Variants in RORA observed in about 807,000 individuals in gnomAD.
The protein encoded by RORA is RAR related orphan receptor A, also known as nuclear receptor ROR-alpha.
RORA carries 7 observed loss-of-function variants against 69.5 expected under a neutral mutation model. That is an observed-to-expected ratio of 0.10 (90% CI 0.06 to 0.19). RORA has a LOEUF of 0.19. Among genes scored for constraint, RORA ranks in the 10% least tolerant of loss-of-function variants. RORA has a pLI of 1.00. For missense variants in RORA, 457 were observed against 663.0 expected, an observed-to-expected ratio of 0.69 and a Z score of 3.41; for synonymous variants, 261 against 240.8, an observed-to-expected ratio of 1.08 and a Z score of -0.78.
chr15:60,861,801 A>C (rs1472218711), intron 1 of RORA, among the ~76,000 whole-genome samples: 1 of 152,188 alleles, frequency 6.6e-6, no homozygotes, highest in Admixed American at 6.5e-5. Context: ...GCCCTGCAGA[A>C]GGCCATACCA....
intron 1 of RORA, among the ~76,000 whole-genome samples, chr15:61,138,740 A>G (rs1387889811): frequency 2.1e-5 from 3 of 145,598 alleles, no homozygotes; most frequent in Admixed American, 6.7e-5. Flanking sequence ...TCTGAGGGGG[A>G]AAAAAAGCCA....
chr15:60,756,181 GA>G (rs1487966462), intron 1 of RORA, among the ~76,000 whole-genome samples: 2 of 152,218 alleles, frequency 1.3e-5, no homozygotes, highest in African/African-American at 4.8e-5. Context: ...TGAATGTAGT[GA>G]ATAATTACAT....
rs1282558898 is a variant in RORA at position 60,953,885 on chromosome 15, G to A, written c.166+275168C>T. ...CAACCATTGTGGAAGTCAGTGTGGCGATTCCTCAGGGATCTAGAACTAGAA... is the reference window on the plus strand; with the variant it reads ...CAACCATTGTGGAAGTCAGTGTGGCAATTCCTCAGGGATCTAGAACTAGAA... On this transcript the variant is annotated intron_variant, in intron 1 of 10. Coordinates refer to ENST00000335670, the MANE Select transcript of RORA (RefSeq NM_134261.3). 3.0e-4 allele frequency among the ~76,000 whole-genome samples: 45 copies of A among 148,524 alleles called. No individual in the cohort carries two copies. In the East Asian group the frequency reaches 5.9e-3, roughly 19 times the overall value.
At chr15:60,575,530 T>C (rs760705136) in intron 2 of RORA, among the ~76,000 whole-genome samples, 3 of 152,234 alleles carry the variant, frequency 2.0e-5, no homozygotes, top group Non-Finnish European at 4.4e-5. Flanking sequence ...ACTGAGAGTA[T>C]ATGATTTACA....
At chr15:60,509,379 A>G (rs1595881185) in intron 5 of RORA, among the ~76,000 whole-genome samples, 1 of 152,234 alleles carries the variant, frequency 6.6e-6, no homozygotes, top group African/African-American at 2.4e-5. Flanking sequence ...ATTTAAAAGC[A>G]CATAGAGCAA....
At chr15:60,643,496 C>A (rs2069982073) in intron 2 of RORA, among the ~76,000 whole-genome samples, 1 of 152,170 alleles carries the variant, frequency 6.6e-6, no homozygotes, top group Non-Finnish European at 1.5e-5. Flanking sequence ...CCAAGAATAA[C>A]CCTGGGTTTG....
rs1188113466 is a variant in RORA at position 60,904,225 on chromosome 15, T to A, written c.167-225539A>T. Among the ~76,000 whole-genome samples, 4 of 152,330 alleles carry A rather than the reference T, an allele frequency of 2.6e-5. No individual in the cohort carries two copies. In the East Asian group the frequency reaches 7.7e-4, roughly 29 times the overall value. On this transcript the variant is annotated intron_variant, in intron 1 of 10. Transcript: ENST00000335670. Reference sequence around the variant, plus strand: ...CTGAAGGACTTCTCTCTTAATAACGTTTTTCTTTATGATATGAGCGTCCTG... The same window carrying A: ...CTGAAGGACTTCTCTCTTAATAACGATTTTCTTTATGATATGAGCGTCCTG...
At chr15:61,095,033 A>G (rs2078767863) in intron 1 of RORA, among the ~76,000 whole-genome samples, 2 of 152,344 alleles carry the variant, frequency 1.3e-5, no homozygotes, top group African/African-American at 4.8e-5. Flanking sequence ...CAGTGCCTGG[A>G]ATATCATGGG....
chr15:60,753,905 C>T (rs555866151), intron 1 of RORA, among the ~76,000 whole-genome samples: 8 of 152,296 alleles, frequency 5.3e-5, no homozygotes, highest in East Asian at 1.9e-4. Context: ...AACAGCATCA[C>T]GATACATGTG....
At chr15:60,855,332 A>AAG (rs2073367609) in intron 1 of RORA, among the ~76,000 whole-genome samples, 1 of 152,168 alleles carries the variant, frequency 6.6e-6, no homozygotes, top group South Asian at 2.1e-4. Flanking sequence ...CACATGACAG[A>AAG]TTGTATAGGC....
At chr15:61,154,321 C>T (rs1050899661) in intron 1 of RORA, among the ~76,000 whole-genome samples, 22 of 152,202 alleles carry the variant, frequency 1.4e-4, no homozygotes, top group African/African-American at 5.1e-4. Context: ...ACATACCAGA[C>T]TTCCCTGAGA....
At chr15:60,662,665 G>GTAT (rs2070321853) in intron 2 of RORA, among the ~76,000 whole-genome samples, 1 of 151,216 alleles carries the variant, frequency 6.6e-6, no homozygotes, top group Non-Finnish European at 1.5e-5. Context: ...TTTTTCTTCA[G>GTAT]TATGTGCAAT....
chr15:60,765,718 G>A (rs2071977927), intron 1 of RORA: 3 of 152,094 alleles, frequency 2.0e-5, no homozygotes, highest in Non-Finnish European at 4.4e-5. Context: ...GAGAAGAGAA[G>A]CATAAACAAG....
chr15:60,958,981 C>T (rs576949240), intron 1 of RORA, among the ~76,000 whole-genome samples: 1 of 152,310 alleles, frequency 6.6e-6, no homozygotes, highest in East Asian at 1.9e-4. Context: ...TCTCTGCCAA[C>T]AAGCCAGACA....
At chr15:61,160,316 A>T (rs1371215632) in intron 1 of RORA, among the ~76,000 whole-genome samples, 3 of 152,218 alleles carry the variant, frequency 2.0e-5, no homozygotes, top group Non-Finnish European at 4.4e-5. Context: ...AGCCTACAGT[A>T]GTATACGTAA....
At position 61,224,318 on chromosome 15, in the gene RORA, G is replaced by A. The variant is rs147450578; in HGVS notation, c.166+4735C>T. 4.9e-4 allele frequency among the ~76,000 whole-genome samples: 74 copies of A among 152,300 alleles called. 1 individual carries two copies. The highest frequency in any genetic ancestry group is 1.6e-3 in the African/African-American group (66 of 41,546). ...AGATATGTCATAATAGGAGAGGTGC[G>A]TTTCCTATAAATTTTTTTATTATTT... On this transcript the variant is annotated intron_variant, in intron 1 of 10. Transcript: ENST00000335670.
At chr15:61,181,680 C>CAA (rs749054081) in intron 1 of RORA, among the ~76,000 whole-genome samples, 217 of 57,636 alleles carry the variant, frequency 3.8e-3, no homozygotes, top group East Asian at 7.9e-3. Context: ...TTAGCTTTGG[C>CAA]AAAAAAAAAA....
At chr15:60,509,793 G>GAA (rs10630931) in intron 5 of RORA, among the ~76,000 whole-genome samples, 3,866 of 144,796 alleles carry the variant, frequency 0.027, 136 homozygotes, top group African/African-American at 0.077. Flanking sequence ...TCTAGTTCAA[G>GAA]AAAAAAAAAA....
At chr15:61,175,352 G>A (rs7177075) in intron 1 of RORA, among the ~76,000 whole-genome samples, 5,086 of 152,000 alleles carry the variant, frequency 0.033, 82 homozygotes, top group Middle Eastern at 0.061. Flanking sequence ...AGAGTCTCAT[G>A]AGATTTTACA....
Sources: gnomAD v4.1 joint callset for allele counts (sites outside exome capture counted in the v4.1 genomes callset) on GRCh38, gnomAD v4.1.1 for gene constraint, MANE v1.5 for transcripts, NCBI Gene and HGNC (gene_info 2026-07-23, HGNC 2026-07-21) for gene names.